Variants in MSRB3 observed in about 807,000 individuals in gnomAD.
MSRB3 encodes the protein methionine-R-sulfoxide reductase B3.
MSRB3 carries 13 observed loss-of-function variants against 21.0 expected under a neutral mutation model. The ratio of observed to expected loss-of-function variants is 0.62; its 90% CI spans 0.40 to 0.98. The LOEUF is 0.98. MSRB3 is among the 50% of genes least tolerant of loss of function. MSRB3 has a pLI of 0.00. For missense variants in MSRB3, 199 were observed against 230.3 expected, an observed-to-expected ratio of 0.86 and a Z score of 0.88; for synonymous variants, 87 against 88.6, an observed-to-expected ratio of 0.98 and a Z score of 0.10.
intron 1 of MSRB3, among the ~76,000 whole-genome samples, chr12:65,300,419 A>G (rs1322582027): frequency 6.6e-6 from 1 of 152,204 alleles, no homozygotes; most frequent in Non-Finnish European, 1.5e-5. Flanking sequence ...GAGAAACTAT[A>G]GACTTTTGGA....
chr12:65,314,052 A>G (rs1874147962), intron 2 of MSRB3, among the ~76,000 whole-genome samples: 1 of 152,174 alleles, frequency 6.6e-6, no homozygotes, highest in Non-Finnish European at 1.5e-5. Flanking sequence ...TGCTTATATT[A>G]TGTTCAAACA....
At chr12:65,344,960 T>C (rs1876392460) in intron 4 of MSRB3, among the ~76,000 whole-genome samples, 1 of 152,014 alleles carries the variant, frequency 6.6e-6, no homozygotes. Context: ...CCCATAATTC[T>C]TATGCTTGGT....
At chr12:65,398,524 T>G (rs1879941181) in intron 5 of MSRB3, among the ~76,000 whole-genome samples, 1 of 152,206 alleles carries the variant, frequency 6.6e-6, no homozygotes. Context: ...GTCAGATGGA[T>G]AGATGGCAAA....
chr12:65,316,079 T>C (rs1042073669), intron 2 of MSRB3: 1 of 152,224 alleles, frequency 6.6e-6, no homozygotes, highest in African/African-American at 2.4e-5. Flanking sequence ...TTATTGGTAT[T>C]GATGAAGAAA....
chr12:65,453,326 A>G (rs1882941219), intron 5 of MSRB3, among the ~76,000 whole-genome samples: 1 of 152,226 alleles, frequency 6.6e-6, no homozygotes, highest in Non-Finnish European at 1.5e-5. Context: ...TGAAAAGTTA[A>G]CAGCCAGACC....
At chr12:65,352,035 C>T (rs1459065681) in intron 4 of MSRB3, among the ~76,000 whole-genome samples, 6 of 152,072 alleles carry the variant, frequency 3.9e-5, no homozygotes, top group Admixed American at 2.0e-4. Flanking sequence ...GACCAATATC[C>T]TTGATGAACA....
intron 5 of MSRB3, among the ~76,000 whole-genome samples, chr12:65,415,224 T>C (rs1880908355): frequency 6.6e-6 from 1 of 152,162 alleles, no homozygotes; most frequent in African/African-American, 2.4e-5. Flanking sequence ...TCATACTCTT[T>C]AGGATGCTTT....
intron 1 of MSRB3, chr12:65,282,023 ATGCTCAGCACAGGCTGGG>A (rs1208260457): frequency 6.6e-6 from 1 of 152,172 alleles, no homozygotes; most frequent in Admixed American, 6.5e-5. Context: ...TCCTTTTAAA[ATGCTCAGCACAGGCTGGG>A]TGTGGTGGCT....
At chr12:65,462,132 G>A (rs1233591471) in intron 6 of MSRB3, among the ~76,000 whole-genome samples, 1 of 152,194 alleles carries the variant, frequency 6.6e-6, no homozygotes, top group Non-Finnish European at 1.5e-5. Flanking sequence ...CGAATGAATG[G>A]AAGTCATTTA....
chr12:65,340,620 A>G (rs951514222), intron 4 of MSRB3, among the ~76,000 whole-genome samples: 1 of 152,192 alleles, frequency 6.6e-6, no homozygotes, highest in Admixed American at 6.5e-5. Flanking sequence ...TAAAAAATGT[A>G]GAACTGTTAA....
At chr12:65,459,918 A>G (rs1883249152) in intron 6 of MSRB3, among the ~76,000 whole-genome samples, 3 of 152,176 alleles carry the variant, frequency 2.0e-5, no homozygotes, top group African/African-American at 7.2e-5. Flanking sequence ...CAGGTTCTTT[A>G]GCTGCCAGCT....
At chr12:65,359,566 C>T (rs1044309175) in intron 4 of MSRB3, among the ~76,000 whole-genome samples, 1 of 152,020 alleles carries the variant, frequency 6.6e-6, no homozygotes, top group African/African-American at 2.4e-5. Context: ...GAAACAAATG[C>T]ATAAGCAAAT....
chr12:65,462,904 C>T (rs1267016351), intron 6 of MSRB3, among the ~76,000 whole-genome samples: 18 of 152,168 alleles, frequency 1.2e-4, no homozygotes, highest in Admixed American at 1.2e-3. Context: ...AGAGACTTCA[C>T]AGATCAAAAA....
chr12:65,391,640 T>A (rs970996348), intron 5 of MSRB3, among the ~76,000 whole-genome samples: 2 of 152,248 alleles, frequency 1.3e-5, no homozygotes, highest in Non-Finnish European at 2.9e-5. Flanking sequence ...AGCTTGTTTT[T>A]CAAAAGTTCA....
At chr12:65,416,839 G>A (rs922917523) in intron 5 of MSRB3, among the ~76,000 whole-genome samples, 4 of 152,144 alleles carry the variant, frequency 2.6e-5, no homozygotes, top group African/African-American at 7.2e-5. Context: ...GTGGGGAAAC[G>A]TGAAGGCCTA....
rs765283991 is a variant in MSRB3, at chr12:65,369,034, T to C, written c.292+8T>C. ...AATTTGACTCCGGTTCAGGTATGTT[T>C]ACATTAATAATGCTCTTCTGAATAT... On this transcript the variant is annotated splice_region_variant and intron_variant, in intron 5 of 6. Transcript: ENST00000308259. The C allele has an allele frequency of 3.8e-6, 6 of 1,571,932 alleles. No individual in the cohort carries two copies. The South Asian group carries it at 5.6e-5, about 15-fold the overall frequency.
At chr12:65,375,620 G>A (rs1306171123) in intron 5 of MSRB3, among the ~76,000 whole-genome samples, 1 of 151,810 alleles carries the variant, frequency 6.6e-6, no homozygotes, top group Admixed American at 6.6e-5. Flanking sequence ...AAACATTTTT[G>A]TAGAGACTGG....
Position 65,456,967 on chromosome 12 carries a change from T to A in MSRB3, c.390+3142T>A, listed in dbSNP as rs913780910. 5.3e-5 allele frequency among the ~76,000 whole-genome samples: 8 copies of A among 152,320 alleles called. No homozygotes were observed. The East Asian group carries it at 1.5e-3, about 29-fold the overall frequency. On this transcript the variant is annotated intron_variant, in intron 6 of 6. Coordinates refer to ENST00000308259, the MANE Select transcript of MSRB3 (RefSeq NM_001031679.3). ...TATTTGTGTGTTCCATTCACGTTTATTTTCCTTTTGTTTTATAATTTTCTT... is the reference window on the plus strand; with the variant it reads ...TATTTGTGTGTTCCATTCACGTTTAATTTCCTTTTGTTTTATAATTTTCTT...
chr12:65,344,420 A>C (rs1361357854), intron 4 of MSRB3, among the ~76,000 whole-genome samples: 2 of 152,036 alleles, frequency 1.3e-5, no homozygotes, highest in Non-Finnish European at 2.9e-5. Context: ...AGAGATCTAG[A>C]GAAACTCAGG....
Sources: gnomAD v4.1 joint callset for allele counts (sites outside exome capture counted in the v4.1 genomes callset) on GRCh38, gnomAD v4.1.1 for gene constraint, MANE v1.5 for transcripts, NCBI Gene and HGNC (gene_info 2026-07-23, HGNC 2026-07-21) for gene names.